Variants in STK10 observed in about 807,000 individuals in gnomAD.
STK10 encodes the protein serine/threonine-protein kinase 10.
In STK10, 78 loss-of-function variants were observed where a neutral mutation model predicts 113.8. The observed-to-expected ratio is 0.69, with a 90% CI of 0.57 to 0.83. STK10 has a LOEUF of 0.83. STK10 is among the 40% of genes least tolerant of loss of function. STK10 has a pLI of 0.00. For missense variants in STK10, 1,109 were observed against 1,280.1 expected (o/e 0.87, Z 2.04); for synonymous variants, 465 against 494.7 (o/e 0.94, Z 0.80).
intron 2 of STK10, among the ~76,000 whole-genome samples, chr5:172,155,516 C>CAA (rs1179898129): frequency 2.0e-5 from 3 of 149,046 alleles, no homozygotes; most frequent in Non-Finnish European, 3.0e-5. Flanking sequence ...AAAAAAAATT[C>CAA]TCATAAAAAA....
At chr5:172,092,378 G>C (rs1405720701) in intron 9 of STK10, 1 of 152,186 alleles carries the variant, frequency 6.6e-6, no homozygotes, top group African/African-American at 2.4e-5. Context: ...GAGCAGGGGA[G>C]CCCCTGCTTT....
intron 1 of STK10, among the ~76,000 whole-genome samples, chr5:172,173,396 G>T (rs556265947): frequency 6.6e-6 from 1 of 152,240 alleles, no homozygotes; most frequent in Non-Finnish European, 1.5e-5. Context: ...GCCTCATAGG[G>T]CCAAGCGTTG....
chr5:172,083,530 A>C (rs1768480429), intron 10 of STK10, among the ~76,000 whole-genome samples: 1 of 152,222 alleles, frequency 6.6e-6, no homozygotes, highest in African/African-American at 2.4e-5. Context: ...CAATTTGGTA[A>C]TAAGCTTATG....
At chr5:172,103,425 G>A (rs989707441) in intron 7 of STK10, among the ~76,000 whole-genome samples, 1 of 152,148 alleles carries the variant, frequency 6.6e-6, no homozygotes, top group Non-Finnish European at 1.5e-5. Context: ...GGAAATTCCT[G>A]GCTGAGGCTG....
chr5:172,086,442 G>A (rs1768561998), intron 10 of STK10, among the ~76,000 whole-genome samples: 1 of 152,184 alleles, frequency 6.6e-6, no homozygotes, highest in African/African-American at 2.4e-5. Flanking sequence ...CAGAAAGAAG[G>A]CAGGCAGCCA....
At chr5:172,147,353 G>A (rs1251827782) in intron 2 of STK10, among the ~76,000 whole-genome samples, 1 of 151,928 alleles carries the variant, frequency 6.6e-6, no homozygotes, top group Non-Finnish European at 1.5e-5. Context: ...AAAGTGCACG[G>A]TCTAAACCCA....
chr5:172,125,652 T>C (rs907360734), intron 3 of STK10, among the ~76,000 whole-genome samples: 4 of 152,316 alleles, frequency 2.6e-5, no homozygotes, highest in African/African-American at 9.6e-5. Context: ...CCCAAAGTGC[T>C]GGGACTACAG....
chr5:172,148,219 G>A (rs761161854), intron 2 of STK10, among the ~76,000 whole-genome samples: 1 of 152,108 alleles, frequency 6.6e-6, no homozygotes, highest in Non-Finnish European at 1.5e-5. Flanking sequence ...GCGTGTCTGG[G>A]GTCACACAGC....
intron 10 of STK10, 38 bp downstream of exon 10, chr5:172,090,194 A>C (rs759883691): frequency 6.2e-7 from 1 of 1,610,950 alleles, no homozygotes; most frequent in South Asian, 1.1e-5. Flanking sequence ...CCATAGCCCC[A>C]CCCTGTTACC....
intron 2 of STK10, among the ~76,000 whole-genome samples, chr5:172,135,012 T>A (rs537612917): frequency 3.3e-5 from 5 of 151,064 alleles, no homozygotes; most frequent in African/African-American, 1.2e-4. Context: ...CCAGAATACA[T>A]AAAGAACTCA....
At position 172,044,533 on chromosome 5, in the gene STK10, T is replaced by C. The variant is rs1035784719; in HGVS notation, c.*349A>G. On this transcript the variant is annotated 3_prime_UTR_variant, in exon 19 of 19. Transcript: ENST00000176763. The surrounding 1 kb of genome is among the most constrained non-coding windows in gnomAD (Gnocchi z 4.5). ...TTTGTCCCACAGAGAGCAAAACTGG[T>C]ATTTTCGCAAACAGGAGAGGACTCG... The C allele has an allele frequency of 6.6e-6, 2 of 302,502 alleles. No individual in the cohort carries two copies. The highest frequency in any genetic ancestry group is 9.1e-5 in the Admixed American group (2 of 22,084). 18.7% of individuals were successfully genotyped at this position (302,502 alleles called of 1,614,324 possible). A position where few individuals can be genotyped will look rare whatever the true frequency, so the allele number is the denominator to read the frequency against.
At chr5:172,107,004 T>A in intron 5 of STK10, 190 bp from the exon 6 acceptor site, 1 of 339,048 alleles carries the variant, frequency 2.9e-6, no homozygotes, top group South Asian at 2.9e-5. Flanking sequence ...TCCACGCGGC[T>A]CCCCGCCACG....
chr5:172,146,138 C>G (rs112825545), intron 2 of STK10, among the ~76,000 whole-genome samples: 15 of 152,346 alleles, frequency 9.8e-5, no homozygotes, highest in African/African-American at 2.4e-4. Context: ...CTCCCTGCCC[C>G]CTGTAGAATG....
At chr5:172,085,778 G>C (rs1768544349) in intron 10 of STK10, among the ~76,000 whole-genome samples, 1 of 151,982 alleles carries the variant, frequency 6.6e-6, no homozygotes, top group Non-Finnish European at 1.5e-5. Context: ...AAAGAACCTA[G>C]GCCTCCTGAC....
At chr5:172,137,060 T>C (rs1205176141) in intron 2 of STK10, among the ~76,000 whole-genome samples, 1 of 152,046 alleles carries the variant, frequency 6.6e-6, no homozygotes, top group Non-Finnish European at 1.5e-5. Context: ...TTATTATCTT[T>C]AAAGTGAGAC....
At chr5:172,160,197 G>A (rs1049791056) in intron 1 of STK10, among the ~76,000 whole-genome samples, 3 of 151,670 alleles carry the variant, frequency 2.0e-5, no homozygotes, top group African/African-American at 4.9e-5. Flanking sequence ...CCCCTAGCCA[G>A]GTGCGGTGGT....
At chr5:172,108,156 C>G (rs1769157734) in intron 4 of STK10, 1 of 250,916 alleles carries the variant, frequency 4.0e-6, no homozygotes, top group East Asian at 7.9e-5. Context: ...ATCCAGGACT[C>G]TGCCCTAATG....
chr5:172,070,015 A>C (rs1421832523), intron 12 of STK10, among the ~76,000 whole-genome samples: 4 of 152,222 alleles, frequency 2.6e-5, no homozygotes, highest in Non-Finnish European at 4.4e-5. Context: ...TGGGAGGCTG[A>C]GGCATGTGGA....
chr5:172,180,744 G>A (rs1171947889), intron 1 of STK10, among the ~76,000 whole-genome samples: 5 of 152,230 alleles, frequency 3.3e-5, no homozygotes, highest in Admixed American at 6.5e-5. Flanking sequence ...AGGAAGCAGA[G>A]GTTTCAGTGA....
Sources: gnomAD v4.1 joint callset for allele counts (sites outside exome capture counted in the v4.1 genomes callset) on GRCh38, gnomAD v4.1.1 for gene constraint, Gnocchi (gnomAD v3.1) non-coding constraint, MANE v1.5 for transcripts, NCBI Gene and HGNC (gene_info 2026-07-23, HGNC 2026-07-21) for gene names.